TMEM132C: variants seen among roughly 807,000 people sequenced by gnomAD.
TMEM132C encodes the protein protein phosphatase 1, regulatory subunit 152.
A neutral mutation model predicts 61.4 loss-of-function variants in TMEM132C; 29 were observed. The ratio of observed to expected loss-of-function variants is 0.47; its 90% confidence interval spans 0.35 to 0.64. The LOEUF is 0.64. Among genes scored for constraint, TMEM132C ranks in the 30% least tolerant of loss-of-function variants. The probability of loss-of-function intolerance (pLI) is 0.00; values close to 1 mark genes in which losing one functional copy is unlikely to be tolerated. For synonymous variants in TMEM132C, 656 were observed against 633.1 expected (o/e 1.04, Z -0.54); for missense variants, 1,408 against 1,476.9 (o/e 0.95, Z 0.76).
intron 1 of TMEM132C, among the ~76,000 whole-genome samples, chr12:128,321,961 C>T (rs1381472056): frequency 6.6e-6 from 1 of 152,090 alleles, no homozygotes; most frequent in Non-Finnish European, 1.5e-5. Flanking sequence ...GGACTTTGGC[C>T]CACCTGAAGT....
At chr12:128,693,562 G>A (rs11837542) in intron 5 of TMEM132C, among the ~76,000 whole-genome samples, 129 of 152,076 alleles carry the variant, frequency 8.5e-4, no homozygotes, top group African/African-American at 2.9e-3. Context: ...TGAAAACCGA[G>A]CCCATGGTCC....
chr12:128,327,674 C>T (rs1370361088), intron 1 of TMEM132C, among the ~76,000 whole-genome samples: 1 of 152,046 alleles, frequency 6.6e-6, no homozygotes, highest in Admixed American at 6.6e-5. Flanking sequence ...TGAGCCACTG[C>T]GCCCGGCTGC....
In TMEM132C at chr12:128,464,790, A is replaced by AAGAG. The variant is rs139973235; in HGVS notation, c.974+49173_974+49176dup. Among the ~76,000 whole-genome samples, 108 of 137,424 alleles carry AAGAG rather than the reference A, an allele frequency of 7.9e-4. 4 individuals are homozygous for AAGAG. Among genetic ancestry groups the AAGAG allele is most frequent in the African/African-American group, 2.8e-3 (102 of 36,048 alleles). The allele number at this position is 137,424 out of a possible 152,430, so 90.2% of individuals were successfully genotyped here. On this transcript the variant is annotated intron_variant, in intron 2 of 8. Coordinates refer to ENST00000435159, the MANE Select transcript of TMEM132C (RefSeq NM_001136103.3). ...AAAGAAAGAAAGAAAGAAAGAGAGA[A>AAGAG]AGAGAGGGAGGGAGGGAGGAAGGAA...
intron 1 of TMEM132C, among the ~76,000 whole-genome samples, chr12:128,317,450 T>C (rs962646993): frequency 2.0e-5 from 3 of 152,224 alleles, no homozygotes; most frequent in Non-Finnish European, 4.4e-5. Flanking sequence ...CTCACATCTA[T>C]GGAGAAACAA....
chr12:128,631,613 A>G (rs545498241), intron 4 of TMEM132C, among the ~76,000 whole-genome samples: 1 of 152,342 alleles, frequency 6.6e-6, no homozygotes, highest in Admixed American at 6.5e-5. Context: ...CAGGTGGCAG[A>G]AACCCAACTC....
At chr12:128,447,341 C>T (rs1337489954) in intron 2 of TMEM132C, among the ~76,000 whole-genome samples, 2 of 152,072 alleles carry the variant, frequency 1.3e-5, no homozygotes, top group African/African-American at 2.4e-5. Context: ...CTTATCAAGA[C>T]GTTATACAAC....
intron 1 of TMEM132C, among the ~76,000 whole-genome samples, chr12:128,285,386 CAAAA>C (rs934077723): frequency 2.7e-5 from 4 of 149,252 alleles, no homozygotes; most frequent in African/African-American, 9.9e-5. Flanking sequence ...GGAATGAAAA[CAAAA>C]AAAAAGACAT....
chr12:128,426,070 G>T (rs1869172170), intron 2 of TMEM132C, among the ~76,000 whole-genome samples: 1 of 152,176 alleles, frequency 6.6e-6, no homozygotes, highest in African/African-American at 2.4e-5. Context: ...CTTTTCAATT[G>T]CCACATGCCC....
Position 128,659,179 on chromosome 12 carries a change from C to CT in TMEM132C, c.1306-10230dup, listed in dbSNP as rs1312464186. Among the ~76,000 whole-genome samples, 7 of 152,126 alleles carry CT rather than the reference C, an allele frequency of 4.6e-5. No homozygotes were observed. In the South Asian group the frequency reaches 8.3e-4, roughly 18 times the overall value. On this transcript the variant is annotated intron_variant, in intron 4 of 8. Transcript: ENST00000435159. ...GTTGCATATTGTTTTTCTTTTCTTT[C>CT]TTTTTTTTAAAAGCCTTGAGAATGT...
chr12:128,518,074 C>A (rs529090571), intron 2 of TMEM132C, among the ~76,000 whole-genome samples: 2 of 152,194 alleles, frequency 1.3e-5, no homozygotes, highest in African/African-American at 4.8e-5. Flanking sequence ...TAAGCTCCAG[C>A]CTTTTCTCTT....
chr12:128,401,414 A>G (rs1331488899), intron 1 of TMEM132C, among the ~76,000 whole-genome samples: 1 of 152,134 alleles, frequency 6.6e-6, no homozygotes, highest in African/African-American at 2.4e-5. Flanking sequence ...GTAATATTTT[A>G]ACAGATATAT....
At chr12:128,516,261 C>T (rs569549131) in intron 2 of TMEM132C, among the ~76,000 whole-genome samples, 4 of 152,302 alleles carry the variant, frequency 2.6e-5, no homozygotes, top group Admixed American at 6.5e-5. Flanking sequence ...TGCCCATCCA[C>T]GGGAGGCTGG....
chr12:128,365,889 G>A (rs942881266), intron 1 of TMEM132C, among the ~76,000 whole-genome samples: 2 of 152,196 alleles, frequency 1.3e-5, no homozygotes, highest in African/African-American at 4.8e-5. Context: ...GCCCTCCCCG[G>A]GAAGGCTGTG....
chr12:128,495,552 A>G (rs1184974606), intron 2 of TMEM132C, among the ~76,000 whole-genome samples: 3 of 152,174 alleles, frequency 2.0e-5, no homozygotes, highest in Non-Finnish European at 4.4e-5. Flanking sequence ...TAAGATAGTT[A>G]GCTCTTCTTG....
intron 5 of TMEM132C, among the ~76,000 whole-genome samples, chr12:128,675,838 A>ATAGAT (rs1555242340): frequency 1.4e-5 from 2 of 143,018 alleles, no homozygotes; most frequent in Non-Finnish European, 3.0e-5. Context: ...AGATAGATAG[A>ATAGAT]AGATAGATAG....
intron 1 of TMEM132C, among the ~76,000 whole-genome samples, chr12:128,285,953 CTCT>C: frequency 7.7e-6 from 1 of 130,632 alleles, no homozygotes; most frequent in African/African-American, 3.5e-5. Context: ...CTCTTTCTCT[CTCT>C]CCCCATCTCT....
chr12:128,680,219 G>C (rs1954623401), intron 5 of TMEM132C, among the ~76,000 whole-genome samples: 1 of 152,202 alleles, frequency 6.6e-6, no homozygotes, highest in South Asian at 2.1e-4. Flanking sequence ...GATCACTCGA[G>C]AAAGGATGAG....
intron 2 of TMEM132C, among the ~76,000 whole-genome samples, chr12:128,476,325 G>A (rs1411327039): frequency 6.6e-6 from 1 of 152,212 alleles, no homozygotes; most frequent in Non-Finnish European, 1.5e-5. Context: ...GCACATGGCA[G>A]TACAGAGAGA....
intron 1 of TMEM132C, among the ~76,000 whole-genome samples, chr12:128,328,051 G>A (rs1477367530): frequency 6.6e-6 from 1 of 152,082 alleles, no homozygotes; most frequent in African/African-American, 2.4e-5. Flanking sequence ...AGTCTTTCAG[G>A]TTAAATTTTA....
Sources: allele counts gnomAD v4.1 joint callset (sites outside exome capture counted in the v4.1 genomes callset), GRCh38; gene constraint gnomAD v4.1.1; transcripts MANE v1.5; gene names NCBI Gene and HGNC (gene_info 2026-07-23, HGNC 2026-07-21).